The following SAP30BP variants were observed in gnomAD, a reference collection of about 807,000 sequenced individuals.
The protein encoded by SAP30BP is SAP30-binding protein.
A neutral mutation model predicts 46.3 loss-of-function variants in SAP30BP; 31 were observed. That is an observed-to-expected ratio of 0.67 (90% CI 0.50 to 0.90). The LOEUF is 0.90. SAP30BP is among the 40% of genes least tolerant of loss of function. The probability of loss-of-function intolerance (pLI) is 0.00; values close to 1 mark genes in which losing one functional copy is unlikely to be tolerated. For missense variants in SAP30BP, 312 were observed against 391.0 expected (o/e 0.80, Z 1.70); for synonymous variants, 169 against 144.2 (o/e 1.17, Z -1.23).
At chr17:75,667,567 A>G in intron 1 of SAP30BP, 89 bp downstream of exon 1, 1 of 1,227,172 alleles carries the variant, frequency 8.1e-7, no homozygotes, top group Non-Finnish European at 1.2e-6. Flanking sequence ...CAAGATGGTC[A>G]TTGTGCTCCA....
At chr17:75,689,153 A>G (rs533565265) in intron 3 of SAP30BP, among the ~76,000 whole-genome samples, 1 of 117,854 alleles carries the variant, frequency 8.5e-6, no homozygotes, top group South Asian at 2.9e-4. Context: ...TTTTCCTTGT[A>G]TCTTTTTTTT....
chr17:75,694,102 C>T (rs947546397), intron 4 of SAP30BP, among the ~76,000 whole-genome samples: 1 of 152,186 alleles, frequency 6.6e-6, no homozygotes, highest in African/African-American at 2.4e-5. Context: ...TGAGTCAGAG[C>T]TCTTGGTGGG....
At chr17:75,673,196 A>G (rs2059932568) in intron 3 of SAP30BP, among the ~76,000 whole-genome samples, 1 of 152,164 alleles carries the variant, frequency 6.6e-6, no homozygotes, top group Admixed American at 6.5e-5. Flanking sequence ...ACCAGGAAAG[A>G]AAGTTTTGGC....
At position 75,706,122 on chromosome 17, in the gene SAP30BP, C is replaced by A; in HGVS notation, c.745+30C>A. 7 of 1,599,388 alleles carry A rather than the reference C, an allele frequency of 4.4e-6. No individual in the cohort carries two copies. The highest frequency in any genetic ancestry group is 4.3e-6 in the Non-Finnish European group (5 of 1,173,280). On this transcript the variant is annotated intron_variant, in intron 10 of 10. Coordinates refer to ENST00000584667, the MANE Select transcript of SAP30BP (RefSeq NM_013260.8). This position sits in a 1 kb window ranked among gnomAD's most constrained non-coding sequence, Gnocchi z 4.6. The stretch of plus-strand genomic sequence containing the variant: ...ATTGCAGAGCTGCCCTGCCTCCTGC[C>A]ACACACATGGAGCCAGGGTCTCCCT...
At position 75,706,801 on chromosome 17, in the gene SAP30BP, T is replaced by C. The variant is rs957893248; in HGVS notation, c.*280T>C. ...GCACTGGCCTCTCCTGCATTCTGTT[T>C]GCAGGCAAATGCTTCAGCTCACATG... On this transcript the variant is annotated 3_prime_UTR_variant, in exon 11 of 11. Coordinates refer to ENST00000584667, the MANE Select transcript of SAP30BP (RefSeq NM_013260.8). This position sits in a 1 kb window ranked among gnomAD's most constrained non-coding sequence, Gnocchi z 4.6. The C allele has an allele frequency of 2.4e-5, 11 of 465,788 alleles. No homozygotes were observed. In the South Asian group the frequency reaches 2.8e-4, roughly 12 times the overall value. 28.9% of individuals were successfully genotyped at this position (465,788 alleles called of 1,614,324 possible). A position where few individuals can be genotyped will look rare whatever the true frequency, so the allele number is the denominator to read the frequency against.
intron 4 of SAP30BP, among the ~76,000 whole-genome samples, chr17:75,697,371 G>T (rs147515584): frequency 6.6e-6 from 1 of 152,280 alleles, no homozygotes; most frequent in African/African-American, 2.4e-5. Context: ...CCTCAGCCTT[G>T]GCACTTTCAC....
chr17:75,688,966 C>T (rs77267020), intron 3 of SAP30BP, among the ~76,000 whole-genome samples: 3,283 of 152,160 alleles, frequency 0.022, 46 homozygotes, highest in Non-Finnish European at 0.027. Flanking sequence ...GCCGCAGCCG[C>T]CTCCTGCTCT....
At chr17:75,703,060 A>T in intron 6 of SAP30BP, 3 of 537,850 alleles carry the variant, frequency 5.6e-6, no homozygotes, top group Admixed American at 3.2e-5. Flanking sequence ...TGGTAAGCCC[A>T]ATCCAGCTGT....
intron 9 of SAP30BP, chr17:75,705,554 C>A: frequency 2.1e-6 from 2 of 950,974 alleles, no homozygotes; most frequent in South Asian, 4.2e-5. Flanking sequence ...GTTTCTCATT[C>A]TTAACCCTTG....
chr17:75,670,512 A>G (rs1172358732), intron 2 of SAP30BP, among the ~76,000 whole-genome samples: 1 of 114,194 alleles, frequency 8.8e-6, no homozygotes, highest in Non-Finnish European at 2.3e-5. Context: ...CTTAATATTC[A>G]TAACTCTTTT....
chr17:75,693,606 G>A, intron 4 of SAP30BP, 124 bp downstream of exon 4: 2 of 807,202 alleles, frequency 2.5e-6, no homozygotes, highest in Non-Finnish European at 4.0e-6. Flanking sequence ...TGTCCCTTTG[G>A]CTCCCTCTCA....
intron 3 of SAP30BP, among the ~76,000 whole-genome samples, chr17:75,676,080 A>G (rs1010819011): frequency 2.6e-5 from 4 of 152,214 alleles, no homozygotes; most frequent in Non-Finnish European, 5.9e-5. Flanking sequence ...CTGCTTTTGC[A>G]TTCAGGTAAT....
chr17:75,703,917 C>G, intron 8 of SAP30BP, 58 bp downstream of exon 8: 1 of 1,253,516 alleles, frequency 8.0e-7, no homozygotes, highest in Non-Finnish European at 1.2e-6. Flanking sequence ...GTCCCTTTAT[C>G]CAGTCAGTTG....
intron 3 of SAP30BP, chr17:75,691,800 G>GT (rs1455216835): frequency 7.6e-6 from 2 of 263,782 alleles, no homozygotes; most frequent in African/African-American, 4.4e-5. Context: ...CCAGAAAGCT[G>GT]TTCTCTAGAG....
At chr17:75,686,549 A>T (rs1599130867) in intron 3 of SAP30BP, among the ~76,000 whole-genome samples, 1 of 152,148 alleles carries the variant, frequency 6.6e-6, no homozygotes, top group East Asian at 1.9e-4. Flanking sequence ...AGAAAAAAAG[A>T]AACCTTCTGT....
intron 4 of SAP30BP, among the ~76,000 whole-genome samples, chr17:75,698,072 T>C (rs1211169523): frequency 6.6e-6 from 1 of 152,104 alleles, no homozygotes; most frequent in Non-Finnish European, 1.5e-5. Context: ...CATGAGAGAG[T>C]GTTTTGAAGA....
intron 3 of SAP30BP, chr17:75,683,616 A>G (rs2060117133): frequency 1.3e-5 from 2 of 152,210 alleles, no homozygotes; most frequent in Non-Finnish European, 2.9e-5. Context: ...GGTGAACAGG[A>G]AATGGGCCAT....
intron 9 of SAP30BP, chr17:75,705,226 G>A (rs753744445): frequency 1.3e-5 from 3 of 222,800 alleles, no homozygotes; most frequent in African/African-American, 2.3e-5. Context: ...TACCTATTAG[G>A]TCCCACGTTA....
chr17:75,694,834 G>T (rs1380252130), intron 4 of SAP30BP, among the ~76,000 whole-genome samples: 1 of 152,238 alleles, frequency 6.6e-6, no homozygotes, highest in Admixed American at 6.5e-5. Flanking sequence ...AGCCATCTCA[G>T]CCCCCAGTTG....
Sources: gnomAD v4.1 joint callset for allele counts (sites outside exome capture counted in the v4.1 genomes callset) on GRCh38, gnomAD v4.1.1 for gene constraint, Gnocchi (gnomAD v3.1) non-coding constraint, MANE v1.5 for transcripts, NCBI Gene and HGNC (gene_info 2026-07-23, HGNC 2026-07-21) for gene names.